The following CYTH4 variants were observed in gnomAD, a reference collection of about 807,000 sequenced individuals.
CYTH4 encodes the protein cytohesin-4.
CYTH4 carries 22 observed loss-of-function variants against 57.5 expected under a neutral mutation model. The ratio of observed to expected loss-of-function variants is 0.38; its 90% confidence interval spans 0.27 to 0.55. The LOEUF (loss-of-function observed/expected upper bound fraction) is 0.55. CYTH4 is among the 20% of genes least tolerant of loss of function. The pLI, the probability that CYTH4 is intolerant of heterozygous loss-of-function variation, is 0.74. For synonymous variants in CYTH4, 186 were observed against 206.5 expected (o/e 0.90, Z 0.85); for missense variants, 420 against 535.6 (o/e 0.78, Z 2.13).
At chr22:37,286,555 TG>T (rs936942611) in intron 1 of CYTH4, among the ~76,000 whole-genome samples, 27 of 149,762 alleles carry the variant, frequency 1.8e-4, no homozygotes, top group Admixed American at 1.3e-3. Flanking sequence ...TGGGAAGGGG[TG>T]GGGGCAGGGA....
chr22:37,294,528 G>C (rs1474701478), intron 2 of CYTH4, 132 bp from the exon 3 acceptor site: 1 of 919,354 alleles, frequency 1.1e-6, no homozygotes, highest in Non-Finnish European at 1.7e-6. Flanking sequence ...TGGGGACTCA[G>C]GACAGAGGTC....
chr22:37,289,366 C>G (rs1478025180), intron 1 of CYTH4, among the ~76,000 whole-genome samples: 2 of 152,210 alleles, frequency 1.3e-5, no homozygotes, highest in Admixed American at 1.3e-4. Flanking sequence ...GCCTGAAGCC[C>G]TGCCCCCTGG....
In CYTH4 at chr22:37,295,906, GT is replaced by G; in HGVS notation, c.168-92del. Reference sequence around the variant, plus strand: ...GCCACACTTGGAGGGCCCTAGAGGGGTATGGGCTCCTGCTGAGGCAAGGGTC... The same window carrying G: ...GCCACACTTGGAGGGCCCTAGAGGGGATGGGCTCCTGCTGAGGCAAGGGTC... On this transcript the variant is annotated intron_variant, in intron 3 of 12. Coordinates refer to ENST00000248901, the MANE Select transcript of CYTH4 (RefSeq NM_013385.5). This position sits in a 1 kb window ranked among gnomAD's most constrained non-coding sequence, Gnocchi z 4.1. The G allele has an allele frequency of 1.5e-6, 2 of 1,349,008 alleles. No individual in the cohort carries two copies. The highest frequency in any genetic ancestry group is 2.5e-5 in the South Asian group (2 of 80,420). The allele number at this position is 1,349,008 out of a possible 1,614,324, so 83.6% of individuals were successfully genotyped here. A position where few individuals can be genotyped will look rare whatever the true frequency, so the allele number is the denominator to read the frequency against.
At chr22:37,283,936 C>T (rs370356845) in intron 1 of CYTH4, among the ~76,000 whole-genome samples, 17 of 151,810 alleles carry the variant, frequency 1.1e-4, no homozygotes, top group South Asian at 4.2e-4. Context: ...TCCAGCAGGG[C>T]GCTTTGTCCT....
chr22:37,310,836 G>A, intron 9 of CYTH4, 152 bp from the exon 10 acceptor site: 1 of 696,560 alleles, frequency 1.4e-6, no homozygotes, highest in Admixed American at 2.6e-5. Flanking sequence ...GTTTGAGAAA[G>A]GGATAGATGT....
chr22:37,313,359 G>A, intron 12 of CYTH4, 80 bp from the exon 13 acceptor site: 3 of 1,407,550 alleles, frequency 2.1e-6, no homozygotes, highest in Non-Finnish European at 3.0e-6. Context: ...GGAATCCCAT[G>A]CCCCTGATAC....
At chr22:37,313,284 T>C (rs1158222639) in intron 12 of CYTH4, among the ~76,000 whole-genome samples, 155 bp from the exon 13 acceptor site, 2 of 152,224 alleles carry the variant, frequency 1.3e-5, no homozygotes, top group African/African-American at 4.8e-5. Context: ...GGACTTACCC[T>C]GGCACAGCCT....
intron 8 of CYTH4, among the ~76,000 whole-genome samples, chr22:37,308,012 G>T (rs73164563): frequency 6.6e-6 from 1 of 152,210 alleles, no homozygotes; most frequent in Non-Finnish European, 1.5e-5. Context: ...AAAGGCTTCC[G>T]TGGAGAACGG....
Position 37,313,796 on chromosome 22 carries a change from A to T in CYTH4, c.*285A>T, listed in dbSNP as rs1273971586. The T allele has an allele frequency of 2.3e-6, 1 of 429,990 alleles. No homozygotes were observed. Among genetic ancestry groups the T allele is most frequent in the African/African-American group, 2.0e-5 (1 of 50,248 alleles). 26.6% of individuals were successfully genotyped at this position (429,990 alleles called of 1,614,324 possible). A position where few individuals can be genotyped will look rare whatever the true frequency, so the allele number is the denominator to read the frequency against. ...GGGGTGAGGAGAGCAGCCAGAGGAA[A>T]ACCAGCCCCAGAATGCTGCAACTTC... On this transcript the variant is annotated 3_prime_UTR_variant, in exon 13 of 13. Coordinates refer to ENST00000248901, the MANE Select transcript of CYTH4 (RefSeq NM_013385.5).
At chr22:37,300,832 G>A (rs1929149941) in intron 6 of CYTH4, 75 bp from the exon 7 acceptor site, 5 of 1,204,632 alleles carry the variant, frequency 4.2e-6, no homozygotes, top group Non-Finnish European at 6.0e-6. Flanking sequence ...CTAAACCTGG[G>A]AGAGGCAGGG....
In CYTH4 at chr22:37,296,081, G is replaced by A. The variant is rs745423742; in HGVS notation, c.234+16G>A. The A allele has an allele frequency of 3.1e-6, 5 of 1,609,962 alleles. No homozygotes were observed. In the African/African-American group the frequency reaches 5.3e-5, roughly 17 times the overall value. On this transcript the variant is annotated intron_variant, in intron 4 of 12. Transcript: ENST00000248901. ...CCCCGCCAAGGTAGGTGGCTGTGGA[G>A]GGCCCGGGCCACAGGGTGTGGGGGC...
rs368059608 is a variant in CYTH4 at position 37,292,648 on chromosome 22, C to T, written c.47C>T (p.Thr16Met). The change falls in exon 2 of 13, where the codon ACG becomes ATG. Residue 16 changes from threonine (T) to methionine (M), a missense_variant. Transcript: ENST00000248901. ...PEPAELSSGE[T>M]EELQRIKWHR... ...CCCGCGGAGCTGAGCAGCGGGGAGA[C>T]GGAAGAGTTACAGAGGATCAAGTGG... 2.1e-5 allele frequency: 34 copies of T among 1,613,838 alleles called. No individual in the cohort carries two copies. The highest frequency in any genetic ancestry group is 4.4e-5 in the South Asian group (4 of 91,084).
At chr22:37,287,583 G>C (rs1465240554) in intron 1 of CYTH4, among the ~76,000 whole-genome samples, 1 of 151,948 alleles carries the variant, frequency 6.6e-6, no homozygotes, top group Non-Finnish European at 1.5e-5. Flanking sequence ...AAGAGTTCCG[G>C]AGCCAGCTTC....
intron 8 of CYTH4, chr22:37,304,283 C>G (rs1226893709): frequency 6.6e-6 from 3 of 456,472 alleles, no homozygotes; most frequent in Admixed American, 2.4e-5. Flanking sequence ...CCAGTGTGGC[C>G]GAGGTGTGGT....
chr22:37,294,622 C>T (rs879813330), intron 2 of CYTH4, 38 bp from the exon 3 acceptor site: 5 of 1,612,140 alleles, frequency 3.1e-6, no homozygotes, highest in African/African-American at 2.7e-5. Context: ...CTGGCCTCCA[C>T]CCCTGACTCT....
intron 4 of CYTH4, among the ~76,000 whole-genome samples, 163 bp from the exon 5 acceptor site, chr22:37,297,400 AG>A (rs2145861278): frequency 6.6e-6 from 1 of 152,236 alleles, no homozygotes; most frequent in East Asian, 1.9e-4. Context: ...CACCTCCCAA[AG>A]GCAGCTCCTA....
At chr22:37,283,356 G>T (rs1011312042) in intron 1 of CYTH4, among the ~76,000 whole-genome samples, 8 of 152,168 alleles carry the variant, frequency 5.3e-5, no homozygotes, top group African/African-American at 1.9e-4. Context: ...CGGTAGAGGG[G>T]CCAAGTTTCT....
chr22:37,309,390 T>A (rs866864287), intron 9 of CYTH4, 67 bp downstream of exon 9: 1 of 1,386,516 alleles, frequency 7.2e-7, no homozygotes. Flanking sequence ...CATCGTTGCA[T>A]GCACACTCCT....
At chr22:37,283,256 T>C (rs527835133) in intron 1 of CYTH4, among the ~76,000 whole-genome samples, 8 of 152,056 alleles carry the variant, frequency 5.3e-5, no homozygotes, top group African/African-American at 1.9e-4. Flanking sequence ...ACTAAGACAA[T>C]GTGTCTGGGG....
Sources: gnomAD v4.1 joint callset for allele counts (sites outside exome capture counted in the v4.1 genomes callset) on GRCh38, gnomAD v4.1.1 for gene constraint, Gnocchi (gnomAD v3.1) non-coding constraint, MANE v1.5 for transcripts, NCBI Gene and HGNC (gene_info 2026-07-23, HGNC 2026-07-21) for gene names.